RAD54L2: variants seen among roughly 807,000 people sequenced by gnomAD.
The protein encoded by RAD54L2 is RAD54 like 2.
Under a neutral mutation model 138.4 loss-of-function variants are expected in RAD54L2, and 27 were observed. That is an observed-to-expected ratio of 0.20 (90% CI 0.14 to 0.27). RAD54L2 has a LOEUF of 0.27. Ranked by LOEUF, RAD54L2 falls within the 10% of genes least tolerant of loss-of-function variation. The probability of loss-of-function intolerance (pLI) is 1.00; values close to 1 mark genes in which losing one functional copy is unlikely to be tolerated. For synonymous variants in RAD54L2, 644 were observed against 723.2 expected, an observed-to-expected ratio of 0.89 and a Z score of 1.76; for missense variants, 1,396 against 1,890.2, an observed-to-expected ratio of 0.74 and a Z score of 4.85.
chr3:51,584,958 A>G (rs939671888), intron 2 of RAD54L2, among the ~76,000 whole-genome samples: 2 of 151,686 alleles, frequency 1.3e-5, no homozygotes, highest in African/African-American at 4.8e-5. Context: ...GGTACACACC[A>G]CTATGCCTGG....
chr3:51,633,669 C>G lies in RAD54L2; in HGVS notation c.918C>G (p.Ser306Arg), dbSNP rs1305765408. 6.2e-7 allele frequency: 1 copy of G among 1,613,982 alleles called. No homozygotes were observed. Among genetic ancestry groups the G allele is most frequent in the Non-Finnish European group, 8.5e-7 (1 of 1,179,868 alleles). The change falls in exon 8 of 23, where the codon AGC (serine) becomes AGG (arginine). Residue 306 changes from serine to arginine, a missense_variant. This residue lies in a region of RAD54L2 where 12 missense variants were observed against 46.1 expected (regional missense o/e 0.26). Coordinates refer to ENST00000684192, the MANE Select transcript of RAD54L2 (RefSeq NM_015106.4). ...SSGFGCILAHSMGLGKTLQVI... is the reference protein window; with the variant it reads ...SSGFGCILAHRMGLGKTLQVI... ...GCTTTGGCTGTATTCTGGCCCACAG[C>G]ATGGGTCTGGGGAAAACTTTGCAAG...
intron 2 of RAD54L2, among the ~76,000 whole-genome samples, chr3:51,565,549 T>C (rs1179438094): frequency 6.6e-6 from 1 of 151,882 alleles, no homozygotes; most frequent in South Asian, 2.1e-4. Context: ...CGTCTCAGCT[T>C]ATTGCAGCCT....
intron 2 of RAD54L2, among the ~76,000 whole-genome samples, chr3:51,574,429 C>T (rs1699415449): frequency 6.6e-6 from 1 of 152,204 alleles, no homozygotes; most frequent in Non-Finnish European, 1.5e-5. Flanking sequence ...ACACTGTCTT[C>T]CACAATGGTT....
chr3:51,598,198 T>TATA (rs1700013167), intron 3 of RAD54L2, among the ~76,000 whole-genome samples: 1 of 149,340 alleles, frequency 6.7e-6, no homozygotes, highest in African/African-American at 2.5e-5. Context: ...TATATATATA[T>TATA]TTGGCTTATA....
In RAD54L2 at chr3:51,662,773, G is replaced by A; in HGVS notation, c.3757G>A (p.Gly1253Ser). 4 of 1,611,222 alleles carry A rather than the reference G, an allele frequency of 2.5e-6. No individual in the cohort carries two copies. The highest frequency in any genetic ancestry group is 3.4e-6 in the Non-Finnish European group (4 of 1,178,672). ...GDRHPVLDLR[G>S]HKRKLATPPA... is the part of the protein sequence containing the mutation. ...CAGGCACCCAGTGCTGGACTTAAGG[G>A]GCCACAAGCGAAAGTTGGCCACACC... Residue 1253 changes from glycine (G) to serine (S), a missense_variant, in exon 23 of 23, where the codon GGC becomes AGC. Gly to Ser is a moderately conservative substitution (Grantham distance 56, BLOSUM62 0). Around this residue, in one of 7 missense-constraint regions of RAD54L2, gnomAD observed 634 missense variants for 711.2 expected, o/e 0.89. Transcript: ENST00000684192. The surrounding 1 kb of genome is among the most constrained non-coding windows in gnomAD (Gnocchi z 4.6).
intron 2 of RAD54L2, among the ~76,000 whole-genome samples, chr3:51,569,905 A>G (rs1292725900): frequency 2.6e-5 from 4 of 151,688 alleles, no homozygotes; most frequent in Non-Finnish European, 5.9e-5. Context: ...TGTGATCACA[A>G]TTCACTGCAG....
At chr3:51,575,632 T>G (rs185030890) in intron 2 of RAD54L2, among the ~76,000 whole-genome samples, 1 of 152,204 alleles carries the variant, frequency 6.6e-6, no homozygotes, top group Non-Finnish European at 1.5e-5. Context: ...AGTTCATTCA[T>G]GATTTGGCTC....
At chr3:51,573,138 C>T (rs542870873) in intron 2 of RAD54L2, among the ~76,000 whole-genome samples, 15 of 152,118 alleles carry the variant, frequency 9.9e-5, no homozygotes, top group Non-Finnish European at 1.8e-4. Context: ...AACTGGGCCA[C>T]GTCCATACAC....
chr3:51,606,828 G>A (rs1343833174), intron 3 of RAD54L2, among the ~76,000 whole-genome samples: 2 of 151,486 alleles, frequency 1.3e-5, no homozygotes, highest in Admixed American at 6.6e-5. Flanking sequence ...TATTACAGGC[G>A]CCTGCCACAC....
At position 51,619,808 on chromosome 3, in the gene RAD54L2, A is replaced by G. The variant is rs190436120; in HGVS notation, c.140-7745A>G. On this transcript the variant is annotated intron_variant, in intron 3 of 22. Transcript: ENST00000684192. ...GGCTGGCAGTCTAACAGCTTAGTCT[A>G]TCTACATTGCTCTTGACTGAATTTT... Among the ~76,000 whole-genome samples the G allele has an allele frequency of 8.1e-4, 124 of 152,306 alleles. 2 individuals are homozygous for G. Among genetic ancestry groups the G allele is most frequent in the Middle Eastern group, 6.8e-3 (2 of 294 alleles).
At position 51,627,564 on chromosome 3, in the gene RAD54L2, G is replaced by A; in HGVS notation, c.151G>A (p.Glu51Lys). 6.4e-7 allele frequency: 1 copy of A among 1,551,364 alleles called. No homozygotes were observed. Among genetic ancestry groups the A allele is most frequent in the Non-Finnish European group, 8.7e-7 (1 of 1,147,436 alleles). The change falls in exon 4 of 23, where the codon GAA becomes AAA. Residue 51 changes from glutamate (E) to lysine (K), a missense_variant. By Grantham distance (56) the Glu-to-Lys change is moderately conservative. Around this residue, in one of 7 missense-constraint regions of RAD54L2, gnomAD observed 256 missense variants for 344.6 expected, o/e 0.74. Coordinates refer to ENST00000684192, the MANE Select transcript of RAD54L2 (RefSeq NM_015106.4). ...EEDLLDDPSL[E>K]GMCGTEHAQL... ...CCTTGTTTTTTCAGACCCATCCCTG[G>A]AAGGCATGTGTGGCACTGAGCATGC...
chr3:51,552,506 C>T (rs979623135), intron 2 of RAD54L2, among the ~76,000 whole-genome samples: 1 of 151,682 alleles, frequency 6.6e-6, no homozygotes, highest in Non-Finnish European at 1.5e-5. Flanking sequence ...TCATGATCCA[C>T]CTGCCTCGGC....
chr3:51,663,697 G>C lies in RAD54L2; in HGVS notation c.*277G>C. ...GGCAGTGCAGCCTCTTTTCCTTCCT[G>C]CCTTGCTTATGCTGTCTGCTTGCTT... On this transcript the variant is annotated 3_prime_UTR_variant, in exon 23 of 23. Transcript: ENST00000684192. 7.2e-6 allele frequency: 3 copies of C among 418,132 alleles called. No homozygotes were observed. Among genetic ancestry groups the C allele is most frequent in the Non-Finnish European group, 1.3e-5 (3 of 233,724 alleles). The allele number at this position is 418,132 out of a possible 1,614,324, so 25.9% of individuals were successfully genotyped here. A position where few individuals can be genotyped will look rare whatever the true frequency, so the allele number is the denominator to read the frequency against.
intron 3 of RAD54L2, among the ~76,000 whole-genome samples, chr3:51,617,114 TTATC>T (rs1309770650): frequency 6.6e-6 from 1 of 152,246 alleles, no homozygotes; most frequent in Non-Finnish European, 1.5e-5. Context: ...TAAAACTTGT[TTATC>T]CATTCATCTG....
At chr3:51,553,374 C>T (rs540347850) in intron 2 of RAD54L2, among the ~76,000 whole-genome samples, 1 of 152,320 alleles carries the variant, frequency 6.6e-6, no homozygotes, top group African/African-American at 2.4e-5. Context: ...CTGCACCCAG[C>T]TTAACTTTGG....
In RAD54L2 at chr3:51,620,081, G is replaced by C. The variant is rs565123671; in HGVS notation, c.140-7472G>C. Reference sequence around the variant, plus strand: ...ATCAGGAGAAATATGGTGAGACTTTGAGTCTTTTTTTTTCATTTTTTTGTT... The same window carrying C: ...ATCAGGAGAAATATGGTGAGACTTTCAGTCTTTTTTTTTCATTTTTTTGTT... On this transcript the variant is annotated intron_variant, in intron 3 of 22. Coordinates refer to ENST00000684192, the MANE Select transcript of RAD54L2 (RefSeq NM_015106.4). 2.6e-5 allele frequency among the ~76,000 whole-genome samples: 4 copies of C among 151,822 alleles called. No homozygotes were observed. The East Asian group carries it at 5.8e-4, about 22-fold the overall frequency.
At chr3:51,587,758 G>T (rs1699740596) in intron 2 of RAD54L2, among the ~76,000 whole-genome samples, 1 of 151,978 alleles carries the variant, frequency 6.6e-6, no homozygotes, top group East Asian at 1.9e-4. Flanking sequence ...TAGATGTTAT[G>T]TTTCAAATTA....
At chr3:51,567,417 G>A (rs1289096427) in intron 2 of RAD54L2, among the ~76,000 whole-genome samples, 1 of 152,094 alleles carries the variant, frequency 6.6e-6, no homozygotes, top group Non-Finnish European at 1.5e-5. Flanking sequence ...AGTTATTCAA[G>A]TACTTCCTCT....
At chr3:51,558,034 G>A (rs1699013634) in intron 2 of RAD54L2, among the ~76,000 whole-genome samples, 1 of 151,668 alleles carries the variant, frequency 6.6e-6, no homozygotes, top group South Asian at 2.1e-4. Flanking sequence ...TTTGTAGAGA[G>A]AGGGTTTTAC....
Sources: allele counts gnomAD v4.1 joint callset (sites outside exome capture counted in the v4.1 genomes callset), GRCh38; gene constraint gnomAD v4.1.1; regional missense constraint gnomAD v4.1.1; non-coding constraint Gnocchi (gnomAD v3.1); transcripts MANE v1.5; gene names NCBI Gene and HGNC (gene_info 2026-07-23, HGNC 2026-07-21).